TEAD1: variants seen among roughly 807,000 people sequenced by gnomAD.
TEAD1 encodes transcriptional enhancer factor TEF-1.
In TEAD1, 9 loss-of-function variants were observed where a neutral mutation model predicts 54.9. The observed-to-expected ratio is 0.16, with a 90% CI of 0.10 to 0.29. The LOEUF is 0.29. TEAD1 is among the 10% of genes least tolerant of loss of function. The probability of loss-of-function intolerance (pLI) is 1.00; values close to 1 mark genes in which losing one functional copy is unlikely to be tolerated. For missense variants in TEAD1, 387 were observed against 535.9 expected (o/e 0.72, Z 2.74); for synonymous variants, 200 against 187.8 (o/e 1.07, Z -0.53).
intron 9 of TEAD1, among the ~76,000 whole-genome samples, chr11:12,891,999 C>T (rs971279579): frequency 1.3e-5 from 2 of 152,192 alleles, no homozygotes; most frequent in African/African-American, 4.8e-5. Flanking sequence ...TAGCAGTCTT[C>T]ATAGTCAGAG....
chr11:12,797,550 C>A (rs968181866), intron 3 of TEAD1, among the ~76,000 whole-genome samples: 3 of 151,962 alleles, frequency 2.0e-5, no homozygotes, highest in Admixed American at 6.6e-5. Context: ...GATGTGCATG[C>A]TGTCCCTCTC....
chr11:12,896,645 G>T (rs1948320152), intron 9 of TEAD1, among the ~76,000 whole-genome samples: 2 of 152,126 alleles, frequency 1.3e-5, no homozygotes, highest in Non-Finnish European at 2.9e-5. Flanking sequence ...AAAAAGAGCA[G>T]GTAAATGCTA....
chr11:12,797,808 G>A (rs1402280616), intron 3 of TEAD1, among the ~76,000 whole-genome samples: 2 of 151,966 alleles, frequency 1.3e-5, no homozygotes, highest in Non-Finnish European at 2.9e-5. Flanking sequence ...TTTTATGTCA[G>A]TGTATCCTAT....
intron 3 of TEAD1, among the ~76,000 whole-genome samples, chr11:12,839,981 T>C (rs1056495175): frequency 2.6e-5 from 4 of 151,418 alleles, no homozygotes; most frequent in Non-Finnish European, 4.4e-5. Context: ...GGCGCGGTGG[T>C]TCACGCCTGT....
At chr11:12,735,403 G>C (rs967647156) in intron 2 of TEAD1, among the ~76,000 whole-genome samples, 8 of 152,120 alleles carry the variant, frequency 5.3e-5, no homozygotes, top group African/African-American at 1.7e-4. Context: ...CCACTGCTGT[G>C]GTTCTTTGTC....
chr11:12,813,897 A>G (rs1009563639), intron 3 of TEAD1, among the ~76,000 whole-genome samples: 1 of 152,020 alleles, frequency 6.6e-6, no homozygotes, highest in Non-Finnish European at 1.5e-5. Context: ...TGGAGGAGAG[A>G]GGATGGGGTG....
At chr11:12,884,623 AATC>A (rs1213330677) in intron 9 of TEAD1, among the ~76,000 whole-genome samples, 1 of 152,206 alleles carries the variant, frequency 6.6e-6, no homozygotes, top group African/African-American at 2.4e-5. Flanking sequence ...TTTGTCCACA[AATC>A]ATGAACTTTG....
At chr11:12,915,214 C>A (rs1948688962) in intron 10 of TEAD1, among the ~76,000 whole-genome samples, 1 of 152,148 alleles carries the variant, frequency 6.6e-6, no homozygotes, top group Non-Finnish European at 1.5e-5. Flanking sequence ...TGCCTTTGTT[C>A]CAGCAGGCTT....
At chr11:12,690,899 C>T (rs1189404664) in intron 2 of TEAD1, among the ~76,000 whole-genome samples, 1 of 152,122 alleles carries the variant, frequency 6.6e-6, no homozygotes, top group Non-Finnish European at 1.5e-5. Context: ...CTGGGACTGT[C>T]AGTGCGCCAC....
intron 3 of TEAD1, among the ~76,000 whole-genome samples, chr11:12,775,976 G>T (rs548075366): frequency 1.3e-5 from 2 of 152,202 alleles, no homozygotes; most frequent in African/African-American, 4.8e-5. Flanking sequence ...TGGCGGCGGG[G>T]GGTTCACCCG....
chr11:12,699,451 T>G (rs1480378544), intron 2 of TEAD1, among the ~76,000 whole-genome samples: 1 of 152,212 alleles, frequency 6.6e-6, no homozygotes, highest in Non-Finnish European at 1.5e-5. Flanking sequence ...TTTTAAATAG[T>G]TTTACCTTTT....
chr11:12,775,985 C>T (rs992692918), intron 3 of TEAD1, among the ~76,000 whole-genome samples: 4 of 151,776 alleles, frequency 2.6e-5, no homozygotes, highest in African/African-American at 7.3e-5. Context: ...GGGGTTCACC[C>T]GGGGAAGTTA....
chr11:12,825,889 A>G (rs926371143), intron 3 of TEAD1, among the ~76,000 whole-genome samples: 2 of 152,244 alleles, frequency 1.3e-5, no homozygotes, highest in African/African-American at 4.8e-5. Context: ...ATTTCTCTAC[A>G]GAGGTACCAA....
intron 7 of TEAD1, among the ~76,000 whole-genome samples, 162 bp downstream of exon 7, chr11:12,881,213 G>T (rs949022296): frequency 2.0e-5 from 3 of 152,176 alleles, no homozygotes; most frequent in African/African-American, 4.8e-5. Flanking sequence ...TAGGCCCCTG[G>T]CAGGAAAGAG....
intron 2 of TEAD1, among the ~76,000 whole-genome samples, chr11:12,740,886 A>G (rs1188785237): frequency 2.0e-5 from 3 of 152,166 alleles, no homozygotes; most frequent in Admixed American, 6.5e-5. Flanking sequence ...AAGTATCCCC[A>G]TATCTGTGAC....
At chr11:12,702,818 C>T (rs930738865) in intron 2 of TEAD1, among the ~76,000 whole-genome samples, 3 of 152,138 alleles carry the variant, frequency 2.0e-5, no homozygotes, top group African/African-American at 4.8e-5. Context: ...CATCATTATC[C>T]GATAATGCAC....
intron 2 of TEAD1, among the ~76,000 whole-genome samples, chr11:12,749,945 A>T (rs1944832627): frequency 6.6e-6 from 1 of 152,104 alleles, no homozygotes; most frequent in African/African-American, 2.4e-5. Flanking sequence ...TGGGGCTTTA[A>T]TTGGCCCCTG....
At chr11:12,834,289 T>G (rs987631548) in intron 3 of TEAD1, among the ~76,000 whole-genome samples, 4 of 152,242 alleles carry the variant, frequency 2.6e-5, no homozygotes, top group Non-Finnish European at 5.9e-5. Context: ...TTTAAATCAT[T>G]TGTCACATAG....
intron 3 of TEAD1, among the ~76,000 whole-genome samples, chr11:12,825,875 A>G (rs527924127): frequency 6.6e-6 from 1 of 152,222 alleles, no homozygotes; most frequent in Admixed American, 6.5e-5. Flanking sequence ...ATTATTGTCA[A>G]TTGATTTCTC....
Sources: gnomAD v4.1 joint callset for allele counts (sites outside exome capture counted in the v4.1 genomes callset) on GRCh38, gnomAD v4.1.1 for gene constraint, MANE v1.5 for transcripts, NCBI Gene and HGNC (gene_info 2026-07-23, HGNC 2026-07-21) for gene names.